LBH: variants seen among roughly 807,000 people sequenced by gnomAD.
LBH encodes protein LBH.
LBH carries 7 observed loss-of-function variants against 12.5 expected under a neutral mutation model. That is an observed-to-expected ratio of 0.56 (90% CI 0.32 to 1.05). LBH has a LOEUF of 1.05. LBH is among the 50% of genes least tolerant of loss of function. LBH has a pLI of 0.04. For synonymous variants in LBH, 51 were observed against 50.1 expected, an observed-to-expected ratio of 1.02 and a Z score of -0.08; for missense variants, 119 against 138.9, an observed-to-expected ratio of 0.86 and a Z score of 0.72.
intron 2 of LBH, among the ~76,000 whole-genome samples, chr2:30,244,439 T>G (rs1054872908): frequency 4.6e-5 from 7 of 152,212 alleles, no homozygotes; most frequent in African/African-American, 1.7e-4. Flanking sequence ...GGGAGGGTTT[T>G]CAGGAAATCC....
In LBH at chr2:30,231,681, G is replaced by A. The variant is rs370380293; in HGVS notation, c.-58G>A. 1.9e-6 allele frequency: 3 copies of A among 1,545,600 alleles called. No homozygotes were observed. Among genetic ancestry groups the A allele is most frequent in the Non-Finnish European group, 2.7e-6 (3 of 1,127,888 alleles). ...GTCTGCGCCCGTGTCATCCTCACTC[G>A]GGACGCAGGGACCGTTTTTAAATCA... On this transcript the variant is annotated 5_prime_UTR_variant, in exon 1 of 3. Coordinates refer to ENST00000395323, the MANE Select transcript of LBH (RefSeq NM_030915.4).
At position 30,253,755 on chromosome 2, in the gene LBH, A is replaced by G. The variant is rs569835920; in HGVS notation, c.130-3678A>G. ...CTCCAAAGAGGACATTATAGTTTCAATTTTGCTTATGTCCTCAAAGTATTT... is the reference window on the plus strand; with the variant it reads ...CTCCAAAGAGGACATTATAGTTTCAGTTTTGCTTATGTCCTCAAAGTATTT... On this transcript the variant is annotated intron_variant, in intron 2 of 2. Transcript: ENST00000395323. Among the ~76,000 whole-genome samples the G allele has an allele frequency of 3.3e-5, 5 of 152,276 alleles. No individual in the cohort carries two copies. In the South Asian group the frequency reaches 1.0e-3, roughly 32 times the overall value.
Position 30,258,829 on chromosome 2 carries a change from T to A in LBH, c.*1208T>A, listed in dbSNP as rs1300936428. 6.6e-6 allele frequency: 1 copy of A among 152,118 alleles called. No homozygotes were observed. The highest frequency in any genetic ancestry group is 2.4e-5 in the African/African-American group (1 of 41,402). The allele number at this position is 152,118 out of a possible 1,614,324, so 9.4% of individuals were successfully genotyped here. The stretch of plus-strand genomic sequence containing the variant: ...TTTGAGACTAAAGGATGTCATGAGA[T>A]CCCTGGCTTCTCCCCATGTTGTTCC... On this transcript the variant is annotated 3_prime_UTR_variant, in exon 3 of 3. Transcript: ENST00000395323.
In LBH at chr2:30,249,222, T is replaced by A. The variant is rs147655163; in HGVS notation, c.130-8211T>A. The stretch of plus-strand genomic sequence containing the variant: ...GCCAGTAAAATGCAAATAATAATAA[T>A]GATGATAATAAAATAGCAGGAGGCA... On this transcript the variant is annotated intron_variant, in intron 2 of 2. Coordinates refer to ENST00000395323, the MANE Select transcript of LBH (RefSeq NM_030915.4). Among the ~76,000 whole-genome samples, 172 of 152,328 alleles carry A rather than the reference T, an allele frequency of 1.1e-3. 3 individuals carry two copies. Among genetic ancestry groups the A allele is most frequent in the African/African-American group, 3.9e-3 (164 of 41,564 alleles).
At position 30,232,235 on chromosome 2, in the gene LBH, G is replaced by A. The variant is rs574296150; in HGVS notation, c.26+471G>A. ...CGGCCGCAGGGTTTGCAGAGCTCCG[G>A]GGGGGTGGGGGGCGGGAAACGCTCT... On this transcript the variant is annotated intron_variant, in intron 1 of 2. Coordinates refer to ENST00000395323, the MANE Select transcript of LBH (RefSeq NM_030915.4). 819 of 911,798 alleles carry A rather than the reference G, an allele frequency of 9.0e-4. 12 individuals carry two copies. In the Admixed American group the frequency reaches 0.019, roughly 21 times the overall value. The allele number at this position is 911,798 out of a possible 1,614,324, so 56.5% of individuals were successfully genotyped here. A position where few individuals can be genotyped will look rare whatever the true frequency, so the allele number is the denominator to read the frequency against.
At position 30,259,284 on chromosome 2, in the gene LBH, T is replaced by C. The variant is rs899027226; in HGVS notation, c.*1663T>C. 6.5e-6 allele frequency: 1 copy of C among 152,710 alleles called. No individual in the cohort carries two copies. The highest frequency in any genetic ancestry group is 2.4e-5 in the African/African-American group (1 of 41,424). The allele number at this position is 152,710 out of a possible 1,614,324, so 9.5% of individuals were successfully genotyped here. Reference sequence around the variant, plus strand: ...GGACACAGCAGTCCGCGGAATTCCGTTCTGGGAAGCCAATGGTCGCCGGCA... The same window carrying C: ...GGACACAGCAGTCCGCGGAATTCCGCTCTGGGAAGCCAATGGTCGCCGGCA... On this transcript the variant is annotated 3_prime_UTR_variant, in exon 3 of 3. Transcript: ENST00000395323.
chr2:30,236,998 C>T (rs1301717944), intron 2 of LBH, among the ~76,000 whole-genome samples: 1 of 152,188 alleles, frequency 6.6e-6, no homozygotes, highest in Non-Finnish European at 1.5e-5. Context: ...ATTCTCCGGG[C>T]CCACTCAAAG....
intron 2 of LBH, among the ~76,000 whole-genome samples, chr2:30,238,381 C>T (rs561339202): frequency 3.0e-4 from 46 of 152,336 alleles, no homozygotes; most frequent in Non-Finnish European, 4.9e-4. Flanking sequence ...ACACATCATC[C>T]TTCTCCAGGC....
Position 30,234,169 on chromosome 2 carries a change from A to G in LBH, c.27-236A>G, listed in dbSNP as rs1021290699. The stretch of plus-strand genomic sequence containing the variant: ...ACTAGAGTACAGGAGAGGAGGGAAG[A>G]GGTTTGCCAGAGAGGTCTGCAGACA... On this transcript the variant is annotated intron_variant, in intron 1 of 2. Coordinates refer to ENST00000395323, the MANE Select transcript of LBH (RefSeq NM_030915.4). 13 of 517,902 alleles carry G rather than the reference A, an allele frequency of 2.5e-5. No individual in the cohort carries two copies. The Admixed American group carries it at 2.7e-4, about 11-fold the overall frequency. 32.1% of individuals were successfully genotyped at this position (517,902 alleles called of 1,614,324 possible). A position where few individuals can be genotyped will look rare whatever the true frequency, so the allele number is the denominator to read the frequency against.
chr2:30,243,332 T>G (rs757720070), intron 2 of LBH, among the ~76,000 whole-genome samples: 2 of 152,152 alleles, frequency 1.3e-5, no homozygotes, highest in Non-Finnish European at 2.9e-5. Flanking sequence ...CTTTATTCTA[T>G]TAATGACATT....
chr2:30,251,883 T>C (rs938695605), intron 2 of LBH, among the ~76,000 whole-genome samples: 3 of 152,138 alleles, frequency 2.0e-5, no homozygotes, highest in Non-Finnish European at 4.4e-5. Context: ...CCAGGGCGTT[T>C]GTTTGGCCGA....
intron 2 of LBH, chr2:30,256,520 GT>G: frequency 6.6e-6 from 1 of 151,346 alleles, no homozygotes; most frequent in African/African-American, 2.4e-5. Context: ...TCCAGTTTTT[GT>G]TTTTTTTTAT....
chr2:30,231,746 T>C lies in LBH; in HGVS notation c.8T>C (p.Ile3Thr), dbSNP rs377560679. 21 of 1,580,864 alleles carry C rather than the reference T, an allele frequency of 1.3e-5. 1 individual carries two copies. The African/African-American group carries it at 2.2e-4, about 17-fold the overall frequency. ...AGCCTGCCCTAGGACTTCATGTCTATATATTTCCCCATTCACTGGTGAGTA... is the reference window on the plus strand; with the variant it reads ...AGCCTGCCCTAGGACTTCATGTCTACATATTTCCCCATTCACTGGTGAGTA... MS[I>T]YFPIHCPDYL... is the part of the protein sequence containing the mutation. The change falls in exon 1 of 3, where the codon ATA becomes ACA. Residue 3 changes from isoleucine (I) to threonine (T), a missense_variant. Physicochemically the swap from Ile to Thr is moderately conservative, Grantham distance 89. Coordinates refer to ENST00000395323, the MANE Select transcript of LBH (RefSeq NM_030915.4).
chr2:30,240,433 C>T (rs1376363995), intron 2 of LBH, among the ~76,000 whole-genome samples: 1 of 152,124 alleles, frequency 6.6e-6, no homozygotes, highest in Non-Finnish European at 1.5e-5. Flanking sequence ...CTGAAGTAGT[C>T]CTCAGAGGAT....
chr2:30,232,367 C>A, intron 1 of LBH: 1 of 1,040,376 alleles, frequency 9.6e-7, no homozygotes, highest in Non-Finnish European at 1.3e-6. Flanking sequence ...TTGGTGGGGG[C>A]CGGGACTGGG....
Position 30,231,669 on chromosome 2 carries a change from T to C in LBH, c.-70T>C. 6.7e-7 allele frequency: 1 copy of C among 1,486,212 alleles called. No individual in the cohort carries two copies. The highest frequency in any genetic ancestry group is 9.3e-7 in the Non-Finnish European group (1 of 1,073,820). The allele number at this position is 1,486,212 out of a possible 1,614,324, so 92.1% of individuals were successfully genotyped here. ...CCTGCCGTGCCCGTCTGCGCCCGTG[T>C]CATCCTCACTCGGGACGCAGGGACC... On this transcript the variant is annotated 5_prime_UTR_variant, in exon 1 of 3. Transcript: ENST00000395323.
At chr2:30,252,788 C>G (rs1270765651) in intron 2 of LBH, among the ~76,000 whole-genome samples, 4 of 152,190 alleles carry the variant, frequency 2.6e-5, no homozygotes, top group African/African-American at 9.7e-5. Flanking sequence ...TTTGGCAGCC[C>G]AATGTGGCTG....
At chr2:30,257,274 G>A (rs374685509) in intron 2 of LBH, among the ~76,000 whole-genome samples, 159 bp from the exon 3 acceptor site, 11 of 152,198 alleles carry the variant, frequency 7.2e-5, no homozygotes, top group Non-Finnish European at 1.5e-4. Context: ...ATATTCTCCC[G>A]TGGCTCCCAC....
chr2:30,248,319 C>T (rs891435340), intron 2 of LBH, among the ~76,000 whole-genome samples: 2 of 151,830 alleles, frequency 1.3e-5, no homozygotes, highest in Middle Eastern at 3.4e-3. Flanking sequence ...TGGGTAGAGA[C>T]GGAATGAAAG....
Sources: allele counts gnomAD v4.1 joint callset (sites outside exome capture counted in the v4.1 genomes callset), GRCh38; gene constraint gnomAD v4.1.1; transcripts MANE v1.5; gene names NCBI Gene and HGNC (gene_info 2026-07-23, HGNC 2026-07-21).